Variants in UBE2E2 observed in about 807,000 individuals in gnomAD.
UBE2E2 encodes the protein ubiquitin-conjugating enzyme E2 E2.
In UBE2E2, 6 loss-of-function variants were observed where a neutral mutation model predicts 24.7. That is an observed-to-expected ratio of 0.24 (90% CI 0.13 to 0.48). The LOEUF (loss-of-function observed/expected upper bound fraction) is 0.48, where lower values mean the gene tolerates loss of function less well. Ranked by LOEUF, UBE2E2 falls within the 20% of genes least tolerant of loss-of-function variation. The pLI, the probability that UBE2E2 is intolerant of heterozygous loss-of-function variation, is 0.99. For missense variants in UBE2E2, 169 were observed against 245.0 expected (o/e 0.69, Z 2.07); for synonymous variants, 104 against 83.6 (o/e 1.24, Z -1.33).
chr3:23,556,122 A>G (rs1695775370), intron 5 of UBE2E2, among the ~76,000 whole-genome samples: 1 of 147,814 alleles, frequency 6.8e-6, no homozygotes, highest in Non-Finnish European at 1.5e-5. Context: ...AACGTGTTGT[A>G]TACCTTAAAT....
chr3:23,568,524 T>C (rs1696133933), intron 5 of UBE2E2, among the ~76,000 whole-genome samples: 1 of 151,192 alleles, frequency 6.6e-6, no homozygotes, highest in Non-Finnish European at 1.5e-5. Flanking sequence ...AAATACTCCA[T>C]TTAAAGAGAA....
At chr3:23,411,969 A>T (rs34447431) in intron 3 of UBE2E2, among the ~76,000 whole-genome samples, 1 of 152,206 alleles carries the variant, frequency 6.6e-6, no homozygotes, top group Non-Finnish European at 1.5e-5. Flanking sequence ...TACAATGTAT[A>T]TAAGTGTAGA....
chr3:23,220,988 T>G (rs1457469204), intron 3 of UBE2E2, among the ~76,000 whole-genome samples: 1 of 152,228 alleles, frequency 6.6e-6, no homozygotes, highest in East Asian at 1.9e-4. Context: ...AAAGGATAAC[T>G]TGCTCCTCTG....
intron 3 of UBE2E2, among the ~76,000 whole-genome samples, chr3:23,351,504 GACAC>G (rs770693575): frequency 1.1e-4 from 17 of 152,140 alleles, no homozygotes; most frequent in Non-Finnish European, 1.9e-4. Flanking sequence ...CATGGGCACA[GACAC>G]ACACAGGCTC....
At chr3:23,451,163 G>C (rs1043004947) in intron 3 of UBE2E2, among the ~76,000 whole-genome samples, 2 of 152,152 alleles carry the variant, frequency 1.3e-5, no homozygotes, top group Non-Finnish European at 2.9e-5. Flanking sequence ...TGAGGTGGGA[G>C]GATCCGTTGA....
intron 3 of UBE2E2, among the ~76,000 whole-genome samples, chr3:23,411,735 C>G (rs761674898): frequency 7.2e-5 from 11 of 152,116 alleles, no homozygotes; most frequent in Non-Finnish European, 1.6e-4. Context: ...CTCATTGGCT[C>G]ATTTCCTTCA....
chr3:23,545,610 C>A (rs1024125362), intron 5 of UBE2E2, among the ~76,000 whole-genome samples: 1 of 152,146 alleles, frequency 6.6e-6, no homozygotes, highest in African/African-American at 2.4e-5. Flanking sequence ...ACAATCTGAT[C>A]TTTCTTTTCC....
chr3:23,549,345 G>A lies in UBE2E2; in HGVS notation c.508+16644G>A, dbSNP rs1000561737. Among the ~76,000 whole-genome samples the A allele has an allele frequency of 2.0e-5, 3 of 152,160 alleles. No homozygotes were observed. The South Asian group carries it at 6.2e-4, about 32-fold the overall frequency. On this transcript the variant is annotated intron_variant, in intron 5 of 5. Coordinates refer to ENST00000396703, the MANE Select transcript of UBE2E2 (RefSeq NM_152653.4). ...CTCTAAGTCATAGTGACATGCCCTT[G>A]CATGCATCTTTTCAGCAAACCTTAT...
At chr3:23,560,155 C>T (rs1695886811) in intron 5 of UBE2E2, among the ~76,000 whole-genome samples, 1 of 151,938 alleles carries the variant, frequency 6.6e-6, no homozygotes, top group Non-Finnish European at 1.5e-5. Context: ...TGGTGTGCTG[C>T]ACCCGTTAAC....
intron 3 of UBE2E2, among the ~76,000 whole-genome samples, chr3:23,262,560 A>G (rs762931156): frequency 6.6e-6 from 1 of 151,680 alleles, no homozygotes; most frequent in Non-Finnish European, 1.5e-5. Flanking sequence ...GATTGCAGGC[A>G]TGAGCCACCA....
chr3:23,559,494 T>C (rs978657205), intron 5 of UBE2E2, among the ~76,000 whole-genome samples: 4 of 152,206 alleles, frequency 2.6e-5, no homozygotes, highest in Non-Finnish European at 5.9e-5. Flanking sequence ...TAAGCTGATT[T>C]TCATTTCCGA....
At chr3:23,448,401 C>T (rs1232204743) in intron 3 of UBE2E2, among the ~76,000 whole-genome samples, 1 of 152,146 alleles carries the variant, frequency 6.6e-6, no homozygotes, top group Non-Finnish European at 1.5e-5. Flanking sequence ...TTAATTTTCA[C>T]AACTAGCAGC....
intron 3 of UBE2E2, among the ~76,000 whole-genome samples, chr3:23,296,757 C>T (rs1224480508): frequency 2.0e-5 from 3 of 152,228 alleles, no homozygotes; most frequent in Admixed American, 6.5e-5. Flanking sequence ...TGAATAGTGC[C>T]GCAATAAACA....
At chr3:23,568,674 T>C (rs904865586) in intron 5 of UBE2E2, among the ~76,000 whole-genome samples, 2 of 133,754 alleles carry the variant, frequency 1.5e-5, no homozygotes, top group Non-Finnish European at 3.1e-5. Context: ...TATACGCACA[T>C]ATATGTATAC....
chr3:23,557,305 T>A (rs1695814622), intron 5 of UBE2E2, among the ~76,000 whole-genome samples: 3 of 152,214 alleles, frequency 2.0e-5, no homozygotes. Flanking sequence ...GTTGCGCATT[T>A]TGTATGATTA....
At chr3:23,479,512 C>T (rs564755444) in intron 3 of UBE2E2, among the ~76,000 whole-genome samples, 52 of 152,238 alleles carry the variant, frequency 3.4e-4, no homozygotes, top group Non-Finnish European at 1.0e-4. Context: ...CTCTCTTTCT[C>T]TTCACCCACA....
At chr3:23,451,931 G>C (rs1698570050) in intron 3 of UBE2E2, among the ~76,000 whole-genome samples, 1 of 152,034 alleles carries the variant, frequency 6.6e-6, no homozygotes, top group South Asian at 2.1e-4. Context: ...CATTTTTATT[G>C]AATTATTACA....
At chr3:23,460,596 A>G (rs1258886140) in intron 3 of UBE2E2, among the ~76,000 whole-genome samples, 1 of 152,198 alleles carries the variant, frequency 6.6e-6, no homozygotes, top group Non-Finnish European at 1.5e-5. Context: ...TATAAAGTGG[A>G]AAGTTATGCA....
intron 4 of UBE2E2, among the ~76,000 whole-genome samples, chr3:23,514,540 A>G (rs1456302635): frequency 6.6e-6 from 1 of 152,124 alleles, no homozygotes; most frequent in Non-Finnish European, 1.5e-5. Flanking sequence ...TTTTCCCTGA[A>G]GATGCCTGCC....
Sources: allele counts gnomAD v4.1 joint callset (sites outside exome capture counted in the v4.1 genomes callset), GRCh38; gene constraint gnomAD v4.1.1; transcripts MANE v1.5; gene names NCBI Gene and HGNC (gene_info 2026-07-23, HGNC 2026-07-21).